The following PCDHGA2 variants were observed in gnomAD, a reference collection of about 807,000 sequenced individuals.
PCDHGA2 encodes protocadherin gamma-A2.
In PCDHGA2, 40 loss-of-function variants were observed where a neutral mutation model predicts 59.2. That is an observed-to-expected ratio of 0.68 (90% CI 0.52 to 0.88). The LOEUF is 0.88. Among genes scored for constraint, PCDHGA2 ranks in the 40% least tolerant of loss-of-function variants. The pLI is 0.00. For synonymous variants in PCDHGA2, 560 were observed against 526.0 expected, an observed-to-expected ratio of 1.06 and a Z score of -0.89; for missense variants, 1,226 against 1,204.0, an observed-to-expected ratio of 1.02 and a Z score of -0.27.
chr5:141,368,061 A>G (rs781457436), intron 1 of PCDHGA2, among the ~76,000 whole-genome samples: 21 of 152,326 alleles, frequency 1.4e-4, no homozygotes, highest in Admixed American at 3.3e-4. Flanking sequence ...AAGAACTACT[A>G]TATTTCCCTT....
chr5:141,350,789 C>G (rs368449960), intron 1 of PCDHGA2: 2 of 1,613,852 alleles, frequency 1.2e-6, no homozygotes, highest in African/African-American at 2.7e-5. Flanking sequence ...ATACTTCTCT[C>G]TGTCAACGAA....
chr5:141,352,450 G>A, intron 1 of PCDHGA2: 1 of 1,614,036 alleles, frequency 6.2e-7, no homozygotes, highest in Non-Finnish European at 8.5e-7. Context: ...TCTGCTCCAA[G>A]TCTGGGCCCG....
chr5:141,346,998 CTCCT>C lies in PCDHGA2; in HGVS notation c.2424+5616_2424+5619del, dbSNP rs1156574062. ...GACAGGTGACACTCTTTTTTTCTTT[CTCCT>C]TCCTTCCTTCCTCTCTCTTTCCTCC... On this transcript the variant is annotated intron_variant, in intron 1 of 3. Coordinates refer to ENST00000394576, the MANE Select transcript of PCDHGA2 (RefSeq NM_018915.4). Among the ~76,000 whole-genome samples the C allele has an allele frequency of 9.1e-3, 1,371 of 151,152 alleles. 29 individuals are homozygous for C. Among genetic ancestry groups the C allele is most frequent in the African/African-American group, 0.031 (1,283 of 41,128 alleles).
At chr5:141,376,211 G>A (rs1772408440) in intron 1 of PCDHGA2, 1 of 1,614,180 alleles carries the variant, frequency 6.2e-7, no homozygotes, top group Admixed American at 1.7e-5. Context: ...CTTCGTCATC[G>A]TGCTGCTGGC....
At chr5:141,423,694 T>A in intron 1 of PCDHGA2, 1 of 1,501,554 alleles carries the variant, frequency 6.7e-7, no homozygotes, top group Non-Finnish European at 8.9e-7. Context: ...TAATTGTTGG[T>A]GTCTTGGCAC....
In PCDHGA2 at chr5:141,420,077, C is replaced by T. The variant is rs760626443; in HGVS notation, c.2425-74730C>T. The T allele has an allele frequency of 2.9e-5, 47 of 1,613,782 alleles. No homozygotes were observed. Among genetic ancestry groups the T allele is most frequent in the Admixed American group, 1.0e-4 (6 of 60,004 alleles). The stretch of plus-strand genomic sequence containing the variant: ...CTGCTCCAAGTCCGGACCTGTGGGT[C>T]CCCCCAACTACAGTGAGGGAACGTT... On this transcript the variant is annotated intron_variant, in intron 1 of 3. Coordinates refer to ENST00000394576, the MANE Select transcript of PCDHGA2 (RefSeq NM_018915.4).
chr5:141,383,264 A>T, intron 1 of PCDHGA2: 1 of 1,613,962 alleles, frequency 6.2e-7, no homozygotes, highest in Non-Finnish European at 8.5e-7. Context: ...ATAGACGTGG[A>T]AATAATAGAT....
Position 141,430,721 on chromosome 5 carries a change from T to C in PCDHGA2, c.2425-64086T>C, listed in dbSNP as rs2097305223. The C allele has an allele frequency of 3.4e-6, 5 of 1,489,270 alleles. No homozygotes were observed. The South Asian group carries it at 7.3e-5, about 22-fold the overall frequency. 92.3% of individuals were successfully genotyped at this position (1,489,270 alleles called of 1,614,324 possible). A position where few individuals can be genotyped will look rare whatever the true frequency, so the allele number is the denominator to read the frequency against. On this transcript the variant is annotated intron_variant, in intron 1 of 3. Coordinates refer to ENST00000394576, the MANE Select transcript of PCDHGA2 (RefSeq NM_018915.4). ...AGGAACTGCTCCTGACTTCAGTGGT[T>C]AAGGGCAGAATTGAAAATAATTCTG...
Position 141,384,817 on chromosome 5 carries a change from C to T in PCDHGA2, c.2424+43422C>T, listed in dbSNP as rs373370095. On this transcript the variant is annotated intron_variant, in intron 1 of 3. Coordinates refer to ENST00000394576, the MANE Select transcript of PCDHGA2 (RefSeq NM_018915.4). Reference sequence around the variant, plus strand: ...CCTGCTGGACAGAGATGCCCTCAAGCAGAGCCTCGTGGTGGCCGTCCAGGA... The same window carrying T: ...CCTGCTGGACAGAGATGCCCTCAAGTAGAGCCTCGTGGTGGCCGTCCAGGA... 4.3e-6 allele frequency: 7 copies of T among 1,613,298 alleles called. No homozygotes were observed. In the African/African-American group the frequency reaches 5.3e-5, roughly 12 times the overall value.
intron 2 of PCDHGA2, among the ~76,000 whole-genome samples, chr5:141,501,026 G>A (rs1053442173): frequency 7.9e-5 from 12 of 151,608 alleles, no homozygotes; most frequent in Non-Finnish European, 1.5e-4. Flanking sequence ...GCGCCACCAC[G>A]CCCAGCTAAT....
intron 1 of PCDHGA2, chr5:141,393,065 G>C (rs980151183): frequency 6.2e-7 from 1 of 1,613,646 alleles, no homozygotes; most frequent in African/African-American, 1.3e-5. Context: ...GCGGCAGCTT[G>C]ATCACCGCGG....
intron 1 of PCDHGA2, chr5:141,356,054 G>A: frequency 1.9e-6 from 3 of 1,613,936 alleles, no homozygotes; most frequent in South Asian, 1.1e-5. Context: ...CGGAAAGTAA[G>A]AGACAAAATA....
intron 1 of PCDHGA2, chr5:141,374,063 G>T: frequency 6.7e-7 from 1 of 1,496,072 alleles, no homozygotes; most frequent in Non-Finnish European, 8.9e-7. Flanking sequence ...TAATCCCAGA[G>T]AAGTTCCTAA....
In PCDHGA2 at chr5:141,352,429, T is replaced by C. The variant is rs541911946; in HGVS notation, c.2424+11034T>C. ...CCAGCCTCGACACTGAGGGCTGCTT[T>C]CAAACCGGTCTCTGCTCCAAGTCTG... On this transcript the variant is annotated intron_variant, in intron 1 of 3. Coordinates refer to ENST00000394576, the MANE Select transcript of PCDHGA2 (RefSeq NM_018915.4). 13 of 1,614,058 alleles carry C rather than the reference T, an allele frequency of 8.1e-6. No individual in the cohort carries two copies. In the South Asian group the frequency reaches 1.3e-4, roughly 16 times the overall value.
At chr5:141,375,821 C>A (rs1472171329) in intron 1 of PCDHGA2, 6 of 1,614,074 alleles carry the variant, frequency 3.7e-6, no homozygotes, top group Non-Finnish European at 5.1e-6. Flanking sequence ...GCTGGCGCCC[C>A]GCTCCGCAGA....
At chr5:141,364,959 T>A (rs1318302569) in intron 1 of PCDHGA2, 1 of 1,613,876 alleles carries the variant, frequency 6.2e-7, no homozygotes, top group Non-Finnish European at 8.5e-7. Flanking sequence ...GTTCACGACC[T>A]CCTCCTCACA....
chr5:141,391,493 G>A (rs949161885), intron 1 of PCDHGA2: 1 of 151,954 alleles, frequency 6.6e-6, no homozygotes, highest in Non-Finnish European at 1.5e-5. Context: ...TCTGTTTTCA[G>A]TAGAGAAAAT....
At chr5:141,473,439 A>G (rs2099322281) in intron 1 of PCDHGA2, among the ~76,000 whole-genome samples, 1 of 152,210 alleles carries the variant, frequency 6.6e-6, no homozygotes, top group African/African-American at 2.4e-5. Flanking sequence ...TTGCTTATGC[A>G]AAAATAATTA....
Position 141,492,511 on chromosome 5 carries a change from C to T in PCDHGA2, c.2425-2296C>T, listed in dbSNP as rs58889912. Among the ~76,000 whole-genome samples the T allele has an allele frequency of 1.7e-3, 262 of 152,326 alleles. 2 individuals are homozygous for T. The highest frequency in any genetic ancestry group is 6.0e-3 in the African/African-American group (249 of 41,582). On this transcript the variant is annotated intron_variant, in intron 1 of 3. Coordinates refer to ENST00000394576, the MANE Select transcript of PCDHGA2 (RefSeq NM_018915.4). Reference sequence around the variant, plus strand: ...CCAGGCGAGGACTCCGGAGCCTCCTCTCACCTCTCCCACCTGCGCCCCGGG... The same window carrying T: ...CCAGGCGAGGACTCCGGAGCCTCCTTTCACCTCTCCCACCTGCGCCCCGGG...
Sources: allele counts gnomAD v4.1 joint callset (sites outside exome capture counted in the v4.1 genomes callset), GRCh38; gene constraint gnomAD v4.1.1; transcripts MANE v1.5; gene names NCBI Gene and HGNC (gene_info 2026-07-23, HGNC 2026-07-21).